MGAT5: variants seen among roughly 807,000 people sequenced by gnomAD.
MGAT5 encodes alpha-1,6-mannosylglycoprotein 6-beta-N-acetylglucosaminyltransferase, also known as alpha-1,6-mannosylglycoprotein 6-beta-N-acetylglucosaminyltransferase A.
MGAT5 carries 30 observed loss-of-function variants against 94.3 expected under a neutral mutation model. That is an observed-to-expected ratio of 0.32 (90% confidence interval 0.24 to 0.43). The LOEUF (loss-of-function observed/expected upper bound fraction) is 0.43. MGAT5 is among the 20% of genes least tolerant of loss of function. The pLI is 1.00. For synonymous variants in MGAT5, 310 were observed against 322.9 expected (o/e 0.96, Z 0.43); for missense variants, 691 against 905.5 (o/e 0.76, Z 3.04).
At chr2:134,446,104 T>C (rs1052286322) in intron 15 of MGAT5, among the ~76,000 whole-genome samples, 3 of 152,062 alleles carry the variant, frequency 2.0e-5, no homozygotes, top group Non-Finnish European at 4.4e-5. Context: ...AGCTGCCTGG[T>C]GTCGGGTCTC....
intron 1 of MGAT5, among the ~76,000 whole-genome samples, chr2:134,138,001 T>G (rs1203221872): frequency 2.6e-5 from 4 of 151,900 alleles, no homozygotes; most frequent in African/African-American, 4.8e-5. Flanking sequence ...TTTTTTTTTT[T>G]TTTGTTTTGA....
intron 9 of MGAT5, among the ~76,000 whole-genome samples, chr2:134,352,823 G>C (rs1458268208): frequency 6.6e-6 from 1 of 152,156 alleles, no homozygotes; most frequent in African/African-American, 2.4e-5. Flanking sequence ...ATCCACACAA[G>C]TGGATAAAGA....
At chr2:134,173,193 T>C (rs976862390) in intron 1 of MGAT5, among the ~76,000 whole-genome samples, 3 of 152,206 alleles carry the variant, frequency 2.0e-5, no homozygotes, top group African/African-American at 4.8e-5. Context: ...CATCCTTTCA[T>C]GTCCCCCATA....
At chr2:134,318,958 A>G (rs1244403959) in intron 4 of MGAT5, among the ~76,000 whole-genome samples, 1 of 152,066 alleles carries the variant, frequency 6.6e-6, no homozygotes, top group East Asian at 1.9e-4. Flanking sequence ...CTTTTTTTCT[A>G]GCTTTTCTTT....
At chr2:134,233,607 G>A (rs1464263539) in intron 1 of MGAT5, among the ~76,000 whole-genome samples, 1 of 152,160 alleles carries the variant, frequency 6.6e-6, no homozygotes, top group East Asian at 1.9e-4. Flanking sequence ...AATGTATTTA[G>A]ATCAGGCAGA....
chr2:134,347,124 T>C (rs544836845), intron 8 of MGAT5, among the ~76,000 whole-genome samples: 27 of 152,248 alleles, frequency 1.8e-4, no homozygotes, highest in Admixed American at 1.5e-3. Flanking sequence ...AGCAGCACAT[T>C]ATAAAAATAG....
intron 13 of MGAT5, among the ~76,000 whole-genome samples, chr2:134,427,845 G>C (rs1684674186): frequency 6.6e-6 from 1 of 152,208 alleles, no homozygotes; most frequent in African/African-American, 2.4e-5. Flanking sequence ...TACAAATACA[G>C]ACCAAATACA....
At chr2:134,169,728 T>C (rs1297821967) in intron 1 of MGAT5, among the ~76,000 whole-genome samples, 1 of 152,200 alleles carries the variant, frequency 6.6e-6, no homozygotes, top group East Asian at 1.9e-4. Flanking sequence ...TACTTGGCTC[T>C]GCAGGAAATG....
At chr2:134,317,430 T>G in intron 2 of MGAT5, 99 bp from the exon 3 acceptor site, 1 of 768,532 alleles carries the variant, frequency 1.3e-6, no homozygotes, top group Non-Finnish European at 2.0e-6. Flanking sequence ...CAGAGACCTT[T>G]CTTTTTTGGT....
chr2:134,367,176 G>A (rs551523367), intron 10 of MGAT5, among the ~76,000 whole-genome samples: 1 of 152,344 alleles, frequency 6.6e-6, no homozygotes, highest in African/African-American at 2.4e-5. Context: ...GCTGCCTAAG[G>A]TTGGGTACAT....
At chr2:134,189,592 G>GTTTTTTTTTTTTTTTTTTTTTTTTTTTTT (rs113582076) in intron 1 of MGAT5, among the ~76,000 whole-genome samples, 4 of 56,290 alleles carry the variant, frequency 7.1e-5, no homozygotes, top group Admixed American at 2.0e-4. Context: ...CATGGCTCTA[G>GTTTTTTTTTTTTTTTTTTTTTTTTTTTTT]TTTTTTTTTG....
intron 7 of MGAT5, 56 bp downstream of exon 7, chr2:134,341,815 T>C: frequency 1.4e-6 from 2 of 1,465,458 alleles, no homozygotes; most frequent in Non-Finnish European, 1.9e-6. Flanking sequence ...AATTGTAAAC[T>C]CTTAAAGTAT....
At chr2:134,143,992 G>A (rs1268406055) in intron 1 of MGAT5, among the ~76,000 whole-genome samples, 1 of 152,096 alleles carries the variant, frequency 6.6e-6, no homozygotes, top group Non-Finnish European at 1.5e-5. Flanking sequence ...GCTGGGGGAG[G>A]AAATGGAAAG....
intron 1 of MGAT5, among the ~76,000 whole-genome samples, chr2:134,201,816 CTTTTTTTTTTTTT>C (rs554227745): frequency 8.1e-4 from 55 of 67,856 alleles, no homozygotes; most frequent in Admixed American, 4.6e-3. Context: ...CCAAGCGCTG[CTTTTTTTTTTTTT>C]TTTTTTTTTT....
intron 1 of MGAT5, among the ~76,000 whole-genome samples, chr2:134,134,624 G>T (rs1408101335): frequency 1.3e-5 from 2 of 152,162 alleles, no homozygotes; most frequent in African/African-American, 4.8e-5. Context: ...GGGTGGGCAG[G>T]GCGTGGTACC....
Position 134,165,642 on chromosome 2 carries a change from G to C in MGAT5, c.-143+45351G>C, listed in dbSNP as rs188070509. On this transcript the variant is annotated intron_variant, in intron 1 of 16. Coordinates refer to the MGAT5 transcript ENST00000409645. Reference sequence around the variant, plus strand: ...TACAAAAAATTAGCCAGTCATGGTGGCGGGCGCCTGTAGTCCCAGCTACTC... The same window carrying C: ...TACAAAAAATTAGCCAGTCATGGTGCCGGGCGCCTGTAGTCCCAGCTACTC... 9.5e-4 allele frequency among the ~76,000 whole-genome samples: 144 copies of C among 152,274 alleles called. 1 individual carries two copies. Among genetic ancestry groups the C allele is most frequent in the Middle Eastern group, 3.4e-3 (1 of 294 alleles).
intron 10 of MGAT5, among the ~76,000 whole-genome samples, chr2:134,367,927 T>C (rs890326746): frequency 2.6e-5 from 4 of 152,268 alleles, no homozygotes; most frequent in Non-Finnish European, 5.9e-5. Flanking sequence ...TTTAAGGTGG[T>C]ACAGGCTGAT....
Position 134,276,565 on chromosome 2 carries a change from A to G in MGAT5, c.406+6015A>G, listed in dbSNP as rs570372023. ...TACATCAGAAAATACCCTTGACAGC[A>G]TACTTGGAGCAATATTGAAGAAAAT... On this transcript the variant is annotated intron_variant, in intron 2 of 15. Coordinates refer to ENST00000281923, the MANE Select transcript of MGAT5 (RefSeq NM_002410.5). 2.6e-5 allele frequency among the ~76,000 whole-genome samples: 4 copies of G among 152,352 alleles called. 1 individual carries two copies. In the South Asian group the frequency reaches 8.3e-4, roughly 32 times the overall value.
intron 1 of MGAT5, among the ~76,000 whole-genome samples, chr2:134,155,057 G>A (rs761919451): frequency 9.2e-5 from 14 of 152,206 alleles, no homozygotes; most frequent in African/African-American, 1.4e-4. Flanking sequence ...TCTCCTGGGC[G>A]CTTATTCACA....
Sources: gnomAD v4.1 joint callset for allele counts (sites outside exome capture counted in the v4.1 genomes callset) on GRCh38, gnomAD v4.1.1 for gene constraint, MANE v1.5 for transcripts, NCBI Gene and HGNC (gene_info 2026-07-23, HGNC 2026-07-21) for gene names.